Variants in DCDC2C observed in about 807,000 individuals in gnomAD.
DCDC2C encodes doublecortin domain containing 2C.
DCDC2C carries 44 observed loss-of-function variants against 45.0 expected under a neutral mutation model. That is an observed-to-expected ratio of 0.98 (90% CI 0.77 to 1.26). The LOEUF is 1.26. DCDC2C is among the 50% of genes most tolerant of loss of function. The pLI is 0.00. For synonymous variants in DCDC2C, 187 were observed against 178.8 expected (o/e 1.05, Z -0.37); for missense variants, 447 against 468.9 (o/e 0.95, Z 0.43).
rs1416217342 is a variant in DCDC2C at position 3,754,648 on chromosome 2, T to A, written c.726+14T>A. Reference sequence around the variant, plus strand: ...AGAAAGAAAAAAGTAAGTAACTTTTTAAAACAAGTAAGTAACTTGTTTCTG... The same window carrying A: ...AGAAAGAAAAAAGTAAGTAACTTTTAAAAACAAGTAAGTAACTTGTTTCTG... On this transcript the variant is annotated intron_variant, in intron 6 of 10. Transcript: ENST00000399143. The A allele has an allele frequency of 6.5e-7, 1 of 1,547,802 alleles. No individual in the cohort carries two copies. Among genetic ancestry groups the A allele is most frequent in the Admixed American group, 2.0e-5 (1 of 50,860 alleles).
chr2:3,752,788 T>G lies in DCDC2C; in HGVS notation c.571T>G (p.Leu191Val). ...RKLFTMNGHL[L>V]GDSKDLQDNH... is the part of the protein sequence containing the mutation. ...ATTATTTACAATGAATGGGCATCTT[T>G]TGGGCGACTCAAAGGATTTGCAAGA... Residue 191 changes from leucine (L) to valine (V), a missense_variant, in exon 5 of 11, where the codon TTG (leucine) becomes GTG (valine). Transcript: ENST00000399143. 1 of 1,550,470 alleles carries G rather than the reference T, an allele frequency of 6.4e-7. No homozygotes were observed. The highest frequency in any genetic ancestry group is 8.7e-7 in the Non-Finnish European group (1 of 1,146,892).
intron 6 of DCDC2C, among the ~76,000 whole-genome samples, chr2:3,765,017 A>G (rs1006112239): frequency 6.6e-6 from 1 of 152,238 alleles, no homozygotes; most frequent in Admixed American, 6.5e-5. Context: ...TGAAGTATTA[A>G]ATAGATATCA....
chr2:3,846,602 T>G (rs1672335923), intron 10 of DCDC2C, among the ~76,000 whole-genome samples: 1 of 152,234 alleles, frequency 6.6e-6, no homozygotes, highest in Admixed American at 6.5e-5. Flanking sequence ...TTTTACTTAA[T>G]GGATACATAA....
At chr2:3,830,567 C>A (rs1320513737) in intron 10 of DCDC2C, among the ~76,000 whole-genome samples, 1 of 152,198 alleles carries the variant, frequency 6.6e-6, no homozygotes, top group Non-Finnish European at 1.5e-5. Flanking sequence ...GAACTCCACA[C>A]AGGTTCAGCC....
At chr2:3,801,945 G>A (rs1296876991) in intron 10 of DCDC2C, among the ~76,000 whole-genome samples, 1 of 152,212 alleles carries the variant, frequency 6.6e-6, no homozygotes, top group Non-Finnish European at 1.5e-5. Context: ...GGAAGGGGAG[G>A]CAGGAACTCT....
At chr2:3,736,366 G>C (rs1365588802) in intron 3 of DCDC2C, among the ~76,000 whole-genome samples, 1 of 152,194 alleles carries the variant, frequency 6.6e-6, no homozygotes, top group African/African-American at 2.4e-5. Flanking sequence ...TGGTGAAGGT[G>C]GGTGACTCGG....
At position 3,847,410 on chromosome 2, in the gene DCDC2C, A is replaced by C. The variant is rs776830753; in HGVS notation, c.*227A>C. ...TTTTAGTAAACATTTTAAAGAATGA[A>C]ACGTGGTTCTTTATCATTAAGCCCC... is the stretch of plus-strand genomic sequence containing the variant. On this transcript the variant is annotated 3_prime_UTR_variant, in exon 11 of 11. Transcript: ENST00000399143. The C allele has an allele frequency of 1.3e-4, 47 of 352,704 alleles. No individual in the cohort carries two copies. Among genetic ancestry groups the C allele is most frequent in the Non-Finnish European group, 2.0e-4 (39 of 196,992 alleles). The allele number at this position is 352,704 out of a possible 1,614,324, so 21.8% of individuals were successfully genotyped here.
intron 10 of DCDC2C, among the ~76,000 whole-genome samples, chr2:3,819,208 C>T (rs1442735398): frequency 6.6e-6 from 1 of 152,192 alleles, no homozygotes; most frequent in Non-Finnish European, 1.5e-5. Context: ...AGTCAGAGAG[C>T]CTTGGGCCAG....
chr2:3,729,527 C>A (rs1668796713), intron 3 of DCDC2C, among the ~76,000 whole-genome samples: 1 of 152,316 alleles, frequency 6.6e-6, no homozygotes, highest in African/African-American at 2.4e-5. Flanking sequence ...TCAGGAGAAT[C>A]AGAGAAGTGG....
In DCDC2C at chr2:3,840,307, T is replaced by C. The variant is rs1672181803; in HGVS notation, c.1066-6847T>C. Among the ~76,000 whole-genome samples, 4 of 152,204 alleles carry C rather than the reference T, an allele frequency of 2.6e-5. No individual in the cohort carries two copies. The South Asian group carries it at 8.3e-4, about 32-fold the overall frequency. Reference sequence around the variant, plus strand: ...GGTCACCTGGAAAGACCCTGTCACCTCCTAAATCTCATATAGAGCAGAGGA... The same window carrying C: ...GGTCACCTGGAAAGACCCTGTCACCCCCTAAATCTCATATAGAGCAGAGGA... On this transcript the variant is annotated intron_variant, in intron 10 of 10. Coordinates refer to ENST00000399143, the MANE Select transcript of DCDC2C (RefSeq NM_001287444.2).
intron 4 of DCDC2C, among the ~76,000 whole-genome samples, chr2:3,744,017 A>G (rs1179653671): frequency 6.6e-6 from 1 of 152,166 alleles, no homozygotes; most frequent in African/African-American, 2.4e-5. Context: ...AAGGACTCTA[A>G]AAAGGGAGAA....
intron 2 of DCDC2C, among the ~76,000 whole-genome samples, chr2:3,710,981 T>C (rs989894039): frequency 2.0e-5 from 3 of 152,216 alleles, no homozygotes; most frequent in Non-Finnish European, 4.4e-5. Flanking sequence ...AGTTCTAAGT[T>C]CTTTGAGAAA....
At chr2:3,826,913 C>A (rs978089589) in intron 10 of DCDC2C, among the ~76,000 whole-genome samples, 3 of 151,504 alleles carry the variant, frequency 2.0e-5, no homozygotes, top group African/African-American at 7.2e-5. Context: ...GTCCCTCCAT[C>A]CCTCCCTCCC....
intron 3 of DCDC2C, among the ~76,000 whole-genome samples, chr2:3,739,581 G>C (rs1441242544): frequency 6.6e-6 from 1 of 152,254 alleles, no homozygotes; most frequent in Non-Finnish European, 1.5e-5. Context: ...CACAGAGTTT[G>C]GCTGGGGCAG....
At chr2:3,837,232 G>A (rs1347837218) in intron 10 of DCDC2C, among the ~76,000 whole-genome samples, 1 of 152,190 alleles carries the variant, frequency 6.6e-6, no homozygotes, top group African/African-American at 2.4e-5. Flanking sequence ...AATCTGCTAA[G>A]GAGTGGCATT....
At chr2:3,813,775 C>T (rs1026104048) in intron 10 of DCDC2C, among the ~76,000 whole-genome samples, 25 of 103,640 alleles carry the variant, frequency 2.4e-4, no homozygotes, top group South Asian at 1.1e-3. Context: ...GGTAAATTTT[C>T]CTCCATCCCT....
At chr2:3,837,141 T>C (rs1384677360) in intron 10 of DCDC2C, among the ~76,000 whole-genome samples, 3 of 152,130 alleles carry the variant, frequency 2.0e-5, no homozygotes, top group Non-Finnish European at 4.4e-5. Context: ...GAGGGCACCA[T>C]GGAGCTCAGT....
At position 3,767,810 on chromosome 2, in the gene DCDC2C, G is replaced by A; in HGVS notation, c.783G>A (p.Gln261=). ...ATGATGGCATACCCCCTAAAACACA[G>A]GATTCTGTTTATTATGCCAAAGAAG... ...CKYDGIPPKT[Q]DSVYYAKEEK... The change falls in exon 7 of 11, where the codon CAG becomes CAA. Residue 261 remains glutamine, a synonymous_variant. Coordinates refer to ENST00000399143, the MANE Select transcript of DCDC2C (RefSeq NM_001287444.2). The A allele has an allele frequency of 6.5e-7, 1 of 1,549,008 alleles. No individual in the cohort carries two copies. The highest frequency in any genetic ancestry group is 8.7e-7 in the Non-Finnish European group (1 of 1,146,514).
intron 8 of DCDC2C, among the ~76,000 whole-genome samples, chr2:3,770,172 T>G (rs1670126183): frequency 6.6e-6 from 1 of 152,228 alleles, no homozygotes; most frequent in African/African-American, 2.4e-5. Flanking sequence ...CAATTCTTAG[T>G]TTTTGAGCAA....
Sources: allele counts gnomAD v4.1 joint callset (sites outside exome capture counted in the v4.1 genomes callset), GRCh38; gene constraint gnomAD v4.1.1; transcripts MANE v1.5; gene names NCBI Gene and HGNC (gene_info 2026-07-23, HGNC 2026-07-21).